Variants in SBF2 observed in about 807,000 individuals in gnomAD.
SBF2 encodes SET binding factor 2, also known as myotubularin-related protein 13.
In SBF2, 112 loss-of-function variants were observed where a neutral mutation model predicts 225.2. The ratio of observed to expected loss-of-function variants is 0.50; its 90% confidence interval spans 0.43 to 0.58. The LOEUF (loss-of-function observed/expected upper bound fraction) is 0.58, where lower values mean the gene tolerates loss of function less well. SBF2 is among the 20% of genes least tolerant of loss of function. The pLI, the probability that SBF2 is intolerant of heterozygous loss-of-function variation, is 0.00. For synonymous variants in SBF2, 763 were observed against 773.3 expected, an observed-to-expected ratio of 0.99 and a Z score of 0.22; for missense variants, 1,996 against 2,206.2, an observed-to-expected ratio of 0.90 and a Z score of 1.91.
chr11:10,095,896 A>G (rs1478521724), intron 2 of SBF2, among the ~76,000 whole-genome samples: 2 of 152,220 alleles, frequency 1.3e-5, no homozygotes, highest in African/African-American at 4.8e-5. Context: ...GGGGAAAAAA[A>G]GAAGTATGCT....
At chr11:10,281,182 T>C (rs1170444114) in intron 1 of SBF2, among the ~76,000 whole-genome samples, 1 of 152,068 alleles carries the variant, frequency 6.6e-6, no homozygotes, top group Admixed American at 6.6e-5. Flanking sequence ...ATAAAATAAA[T>C]CCAGAGGGTA....
intron 13 of SBF2, among the ~76,000 whole-genome samples, chr11:9,975,496 G>C (rs1469727002): frequency 6.6e-6 from 1 of 152,200 alleles, no homozygotes; most frequent in Non-Finnish European, 1.5e-5. Context: ...GACTATAAAG[G>C]AGAATTAAGG....
intron 2 of SBF2, among the ~76,000 whole-genome samples, chr11:10,052,614 G>A (rs969545962): frequency 6.6e-6 from 1 of 152,108 alleles, no homozygotes; most frequent in African/African-American, 2.4e-5. Flanking sequence ...TTGCTTGTTT[G>A]TTTAATTGCC....
chr11:10,260,517 C>G (rs560406957), intron 1 of SBF2, among the ~76,000 whole-genome samples: 1 of 152,096 alleles, frequency 6.6e-6, no homozygotes, highest in South Asian at 2.1e-4. Context: ...GAGATGGAGA[C>G]CATCCTGGCT....
At chr11:9,944,283 A>AGCT (rs1865443547) in intron 16 of SBF2, among the ~76,000 whole-genome samples, 2 of 152,370 alleles carry the variant, frequency 1.3e-5, no homozygotes, top group Admixed American at 1.3e-4. Flanking sequence ...GTTGCAGTAT[A>AGCT]GCTCTGAAGG....
At chr11:10,191,703 A>G (rs901418556) in intron 2 of SBF2, among the ~76,000 whole-genome samples, 2 of 152,202 alleles carry the variant, frequency 1.3e-5, no homozygotes, top group African/African-American at 4.8e-5. Flanking sequence ...CTAACAGCAC[A>G]TGACTCCACT....
At chr11:10,201,807 C>A (rs559152148) in intron 1 of SBF2, among the ~76,000 whole-genome samples, 10 of 152,110 alleles carry the variant, frequency 6.6e-5, no homozygotes, top group African/African-American at 2.4e-4. Flanking sequence ...ACCAGCCTGG[C>A]CAACATGGTG....
At chr11:10,078,991 C>T (rs1472486946) in intron 2 of SBF2, among the ~76,000 whole-genome samples, 2 of 152,076 alleles carry the variant, frequency 1.3e-5, no homozygotes, top group Non-Finnish European at 2.9e-5. Flanking sequence ...CCACCAAATG[C>T]ACCCATAAGC....
rs140683201 is a variant in SBF2, at chr11:9,830,058, A to G, written c.3653-562T>C. Among the ~76,000 whole-genome samples the G allele has an allele frequency of 3.5e-3, 540 of 152,350 alleles. 3 individuals carry two copies. The highest frequency in any genetic ancestry group is 0.012 in the African/African-American group (507 of 41,578). On this transcript the variant is annotated intron_variant, in intron 27 of 39. Transcript: ENST00000256190. ...TGGAAGAAGATGGGGAGAAGATAGG[A>G]GCAACTACTGCCAATCCCTGGTCCT...
chr11:9,938,228 T>A (rs999310855), intron 16 of SBF2, among the ~76,000 whole-genome samples: 1 of 151,586 alleles, frequency 6.6e-6, no homozygotes, highest in South Asian at 2.1e-4. Context: ...CAGGTGGAGC[T>A]TGCAGTGAGC....
intron 2 of SBF2, chr11:10,165,035 G>A (rs1157210908): frequency 6.6e-6 from 1 of 152,204 alleles, no homozygotes; most frequent in African/African-American, 2.4e-5. Context: ...CTTTACAACT[G>A]GATGTGAAAG....
At chr11:9,896,609 T>C (rs1183533680) in intron 16 of SBF2, among the ~76,000 whole-genome samples, 1 of 152,002 alleles carries the variant, frequency 6.6e-6, no homozygotes, top group Non-Finnish European at 1.5e-5. Flanking sequence ...CTGGCCAACA[T>C]GGTGAAACCC....
In SBF2 at chr11:10,075,899, GT is replaced by G. The variant is rs776537276; in HGVS notation, c.142-32919del. On this transcript the variant is annotated intron_variant, in intron 2 of 39. Transcript: ENST00000256190. ...AGGAAACAGAAAACCATTTCTGGTA[GT>G]TTTTTTTTTTTTCTGCGAGTTGGCA... 2.2e-3 allele frequency among the ~76,000 whole-genome samples: 317 copies of G among 146,212 alleles called. 1 individual carries two copies. Among genetic ancestry groups the G allele is most frequent in the African/African-American group, 6.8e-3 (274 of 40,128 alleles).
chr11:10,079,988 C>CTGTA (rs146577878), intron 2 of SBF2, among the ~76,000 whole-genome samples: 42,745 of 151,650 alleles, frequency 0.28, 6,239 homozygotes, highest in Admixed American at 0.37. Flanking sequence ...TGGCTCATGC[C>CTGTA]TGTAATCCCT....
In SBF2 at chr11:9,808,957, C is replaced by T. The variant is rs758191255; in HGVS notation, c.4201G>A (p.Glu1401Lys). ...QLAVVVSEVL[E>K]NGSSVLVCLE... ...CAGACCAAAACTGAGGAACCATTCT[C>T]AAGTACTTCTGATACAACCACAGCC... The change falls in exon 31 of 40, where the codon GAG (glutamate) becomes AAG (lysine). Residue 1401 changes from glutamate (E) to lysine (K), a missense_variant. Transcript: ENST00000256190. 6.2e-7 allele frequency: 1 copy of T among 1,614,084 alleles called. No homozygotes were observed. The highest frequency in any genetic ancestry group is 8.5e-7 in the Non-Finnish European group (1 of 1,179,960).
chr11:9,980,269 C>T (rs1041125617), intron 13 of SBF2, among the ~76,000 whole-genome samples: 6 of 144,418 alleles, frequency 4.2e-5, no homozygotes, highest in Non-Finnish European at 9.0e-5. Flanking sequence ...CATGAGCCAC[C>T]ATACCCAGCC....
intron 27 of SBF2, among the ~76,000 whole-genome samples, 178 bp downstream of exon 27, chr11:9,832,046 C>T (rs1855431418): frequency 1.3e-5 from 2 of 152,176 alleles, no homozygotes; most frequent in African/African-American, 4.8e-5. Flanking sequence ...AATGTGGAGC[C>T]TCACACTATC....
intron 3 of SBF2, among the ~76,000 whole-genome samples, chr11:10,041,821 A>G (rs1252926030): frequency 1.0e-5 from 1 of 99,780 alleles, no homozygotes; most frequent in Non-Finnish European, 2.9e-5. Flanking sequence ...TACGTAGCAG[A>G]AACTACAGTA....
intron 2 of SBF2, among the ~76,000 whole-genome samples, chr11:10,152,323 G>C (rs879708602): frequency 6.6e-6 from 1 of 152,120 alleles, no homozygotes; most frequent in Non-Finnish European, 1.5e-5. Flanking sequence ...GGCCAAGGTG[G>C]GCAGATCACC....
Sources: gnomAD v4.1 joint callset for allele counts (sites outside exome capture counted in the v4.1 genomes callset) on GRCh38, gnomAD v4.1.1 for gene constraint, MANE v1.5 for transcripts, NCBI Gene and HGNC (gene_info 2026-07-23, HGNC 2026-07-21) for gene names.